The following MTSS1 variants were observed in gnomAD, a reference collection of about 807,000 sequenced individuals.
MTSS1 encodes the protein MTSS I-BAR domain containing 1, also known as protein MTSS 1.
In MTSS1, 18 loss-of-function variants were observed where a neutral mutation model predicts 79.0. That is an observed-to-expected ratio of 0.23 (90% CI 0.16 to 0.34). MTSS1 has a LOEUF of 0.34. Among genes scored for constraint, MTSS1 ranks in the 10% least tolerant of loss-of-function variants. The probability of loss-of-function intolerance (pLI) is 1.00; values close to 1 mark genes in which losing one functional copy is unlikely to be tolerated. For missense variants in MTSS1, 815 were observed against 986.2 expected (o/e 0.83, Z 2.33); for synonymous variants, 341 against 368.6 (o/e 0.93, Z 0.86).
In MTSS1 at chr8:124,655,510, G is replaced by A. The variant is rs572628507; in HGVS notation, c.208+44016C>T. On this transcript the variant is annotated intron_variant, in intron 3 of 13. Transcript: ENST00000518547. ...AGGTGAGAGTGATCAGAATCCATAC[G>A]ACTCAACAAATAGTCATCTGGCACC... Among the ~76,000 whole-genome samples, 3 of 152,246 alleles carry A rather than the reference G, an allele frequency of 2.0e-5. No individual in the cohort carries two copies. The East Asian group carries it at 5.8e-4, about 29-fold the overall frequency.
At chr8:124,630,063 A>G (rs1377490102) in intron 3 of MTSS1, among the ~76,000 whole-genome samples, 1 of 152,246 alleles carries the variant, frequency 6.6e-6, no homozygotes, top group Non-Finnish European at 1.5e-5. Flanking sequence ...TCCATGGAAT[A>G]TAATTCATCT....
Position 124,728,122 on chromosome 8 carries a change from C to T in MTSS1, c.-167G>A, listed in dbSNP as rs1834006715. ...GTGCACCAGACCGACTGTTCTCTGC[C>T]CAAAATAATAACAGTAATTTAAAAA... On this transcript the variant is annotated 5_prime_UTR_variant, in exon 1 of 14. Transcript: ENST00000518547. The surrounding 1 kb of genome is among the most constrained non-coding windows in gnomAD (Gnocchi z 6.1). 1 of 550,872 alleles carries T rather than the reference C, an allele frequency of 1.8e-6. No individual in the cohort carries two copies. The highest frequency in any genetic ancestry group is 2.0e-5 in the African/African-American group (1 of 49,990). The allele number at this position is 550,872 out of a possible 1,614,324, so 34.1% of individuals were successfully genotyped here.
chr8:124,631,687 G>A (rs1815983994), intron 3 of MTSS1, among the ~76,000 whole-genome samples: 1 of 152,138 alleles, frequency 6.6e-6, no homozygotes, highest in Non-Finnish European at 1.5e-5. Context: ...AAAGCCCTCG[G>A]GCCTGCCAGC....
chr8:124,564,534 A>G (rs1322722424), intron 9 of MTSS1, among the ~76,000 whole-genome samples: 2 of 152,176 alleles, frequency 1.3e-5, no homozygotes, highest in Non-Finnish European at 2.9e-5. Flanking sequence ...TAAAGCTCAC[A>G]GCAACTCCAC....
chr8:124,672,541 C>T (rs1201245331), intron 3 of MTSS1, among the ~76,000 whole-genome samples: 3 of 151,570 alleles, frequency 2.0e-5, no homozygotes, highest in African/African-American at 4.8e-5. Context: ...CATGGTGGCT[C>T]ATGCATGTAA....
intron 3 of MTSS1, among the ~76,000 whole-genome samples, chr8:124,650,767 C>T (rs1036081423): frequency 3.3e-5 from 5 of 152,130 alleles, no homozygotes; most frequent in African/African-American, 7.2e-5. Context: ...AAGCAAGGAT[C>T]GGAGCTATCT....
Position 124,553,786 on chromosome 8 carries a change from TAC to T in MTSS1, c.1568-96_1568-95del. 2 of 1,110,940 alleles carry T rather than the reference TAC, an allele frequency of 1.8e-6. No homozygotes were observed. Among genetic ancestry groups the T allele is most frequent in the Non-Finnish European group, 2.5e-6 (2 of 785,568 alleles). The allele number at this position is 1,110,940 out of a possible 1,614,324, so 68.8% of individuals were successfully genotyped here. A position where few individuals can be genotyped will look rare whatever the true frequency, so the allele number is the denominator to read the frequency against. On this transcript the variant is annotated intron_variant, in intron 13 of 13. Coordinates refer to ENST00000518547, the MANE Select transcript of MTSS1 (RefSeq NM_014751.6). The surrounding 1 kb of genome is among the most constrained non-coding windows in gnomAD (Gnocchi z 6.0). ...AGGACAAAAGGCACGCAAGGCAGGGTACACACACAGTCTCATCCCAAGCTTCC... is the reference window on the plus strand; with the variant it reads ...AGGACAAAAGGCACGCAAGGCAGGGTACACACAGTCTCATCCCAAGCTTCC...
chr8:124,621,361 G>C (rs1310941693), intron 3 of MTSS1, among the ~76,000 whole-genome samples: 1 of 152,208 alleles, frequency 6.6e-6, no homozygotes, highest in African/African-American at 2.4e-5. Context: ...TCTCAGAAGT[G>C]AAGTGGAAGG....
At chr8:124,596,904 T>C (rs1240827647) in intron 3 of MTSS1, among the ~76,000 whole-genome samples, 1 of 152,104 alleles carries the variant, frequency 6.6e-6, no homozygotes, top group Non-Finnish European at 1.5e-5. Context: ...AATTTCCCTC[T>C]TCCTATAAAG....
intron 3 of MTSS1, among the ~76,000 whole-genome samples, chr8:124,602,048 G>T (rs1014554989): frequency 6.6e-6 from 1 of 151,382 alleles, no homozygotes; most frequent in Non-Finnish European, 1.5e-5. Context: ...TTTACCCAAA[G>T]ATTTCGACCA....
chr8:124,598,264 C>T (rs1056288273), intron 3 of MTSS1, among the ~76,000 whole-genome samples: 7 of 152,126 alleles, frequency 4.6e-5, no homozygotes, highest in Non-Finnish European at 1.0e-4. Context: ...CACCACACTC[C>T]AGCCTGAGTG....
intron 9 of MTSS1, 57 bp from the exon 10 acceptor site, chr8:124,563,049 G>A: frequency 6.9e-7 from 1 of 1,449,878 alleles, no homozygotes; most frequent in Non-Finnish European, 9.4e-7. Context: ...AAGGGGAGCA[G>A]TGGTAAGAGG....
At chr8:124,675,393 A>G (rs2134782037) in intron 3 of MTSS1, among the ~76,000 whole-genome samples, 1 of 152,306 alleles carries the variant, frequency 6.6e-6, no homozygotes, top group South Asian at 2.1e-4. Context: ...CCTCTGACAC[A>G]GGGTTGGGGA....
chr8:124,638,412 C>T (rs4871527), intron 3 of MTSS1, among the ~76,000 whole-genome samples: 14,533 of 152,158 alleles, frequency 0.096, 835 homozygotes, highest in African/African-American at 0.16. Context: ...TGATAAGTGG[C>T]GCTTCAAAGG....
intron 3 of MTSS1, among the ~76,000 whole-genome samples, chr8:124,616,486 A>G (rs1028461063): frequency 6.6e-6 from 1 of 152,002 alleles, no homozygotes; most frequent in African/African-American, 2.4e-5. Flanking sequence ...CAACCCCCAT[A>G]TGTCAGTGCT....
intron 3 of MTSS1, among the ~76,000 whole-genome samples, chr8:124,596,530 T>C (rs1358778400): frequency 1.3e-5 from 2 of 152,216 alleles, no homozygotes; most frequent in African/African-American, 2.4e-5. Context: ...TGCCAAAGCA[T>C]GACTGCTGAG....
intron 6 of MTSS1, among the ~76,000 whole-genome samples, chr8:124,570,888 G>A (rs1827637262): frequency 6.6e-6 from 1 of 152,060 alleles, no homozygotes; most frequent in Non-Finnish European, 1.5e-5. Context: ...TGGCCAGACG[G>A]TCTTGAACTC....
intron 3 of MTSS1, among the ~76,000 whole-genome samples, chr8:124,614,725 A>T (rs1836522694): frequency 6.6e-6 from 1 of 152,268 alleles, no homozygotes; most frequent in African/African-American, 2.4e-5. Flanking sequence ...ATAGGAAAGA[A>T]GTACCCAATT....
At chr8:124,704,234 C>T in intron 1 of MTSS1, 43 bp from the exon 2 acceptor site, 1 of 1,515,092 alleles carries the variant, frequency 6.6e-7, no homozygotes, top group African/African-American at 1.4e-5. Context: ...CTGCGATAGA[C>T]ATCTGATTAC....
Sources: gnomAD v4.1 joint callset for allele counts (sites outside exome capture counted in the v4.1 genomes callset) on GRCh38, gnomAD v4.1.1 for gene constraint, Gnocchi (gnomAD v3.1) non-coding constraint, MANE v1.5 for transcripts, NCBI Gene and HGNC (gene_info 2026-07-23, HGNC 2026-07-21) for gene names.